The following COL25A1 variants were observed in gnomAD, a reference collection of about 807,000 sequenced individuals.
COL25A1 encodes the protein collagen type XXV alpha 1 chain, also known as collagen alpha-1(XXV) chain.
A neutral mutation model predicts 128.4 loss-of-function variants in COL25A1; 103 were observed. The ratio of observed to expected loss-of-function variants is 0.80; its 90% CI spans 0.68 to 0.94. COL25A1 has a LOEUF of 0.94. Among genes scored for constraint, COL25A1 ranks in the 40% least tolerant of loss-of-function variants. COL25A1 has a pLI of 0.00. For synonymous variants in COL25A1, 279 were observed against 277.2 expected, an observed-to-expected ratio of 1.01 and a Z score of -0.06; for missense variants, 745 against 840.0, an observed-to-expected ratio of 0.89 and a Z score of 1.40.
intron 3 of COL25A1, among the ~76,000 whole-genome samples, chr4:109,258,088 T>C (rs1781192225): frequency 6.6e-6 from 1 of 152,170 alleles, no homozygotes; most frequent in Non-Finnish European, 1.5e-5. Flanking sequence ...CAGCCCTGCC[T>C]TTCCATCCTT....
intron 3 of COL25A1, among the ~76,000 whole-genome samples, chr4:109,140,021 C>T (rs535842249): frequency 1.3e-5 from 2 of 152,168 alleles, no homozygotes; most frequent in Non-Finnish European, 2.9e-5. Flanking sequence ...TTTATGGTTG[C>T]ATAGTATTCC....
intron 3 of COL25A1, among the ~76,000 whole-genome samples, chr4:109,214,864 G>A (rs971738429): frequency 2.6e-5 from 4 of 152,114 alleles, no homozygotes; most frequent in South Asian, 2.1e-4. Context: ...CTGGCATAGC[G>A]CTAACGAGAC....
At chr4:109,007,598 T>G (rs920049629) in intron 6 of COL25A1, among the ~76,000 whole-genome samples, 2 of 152,140 alleles carry the variant, frequency 1.3e-5, no homozygotes, top group African/African-American at 4.8e-5. Context: ...GGAAGACATT[T>G]TAAACTAAAT....
chr4:108,923,735 C>T (rs1185763138), intron 11 of COL25A1, among the ~76,000 whole-genome samples: 1 of 152,090 alleles, frequency 6.6e-6, no homozygotes, highest in Non-Finnish European at 1.5e-5. Context: ...ACTAGTTAAA[C>T]GAATGCTGAT....
At position 108,842,916 on chromosome 4, in the gene COL25A1, G is replaced by A. The variant is rs140505925; in HGVS notation, c.1630-1195C>T. Among the ~76,000 whole-genome samples, 500 of 152,172 alleles carry A rather than the reference G, an allele frequency of 3.3e-3. 2 individuals are homozygous for A. Among genetic ancestry groups the A allele is most frequent in the Middle Eastern group, 0.014 (4 of 294 alleles). ...TCCTAGCACTTTGGGAGGCCAAAGC[G>A]GGTGCATCACTTGGGCCCAGCAGTT... is the stretch of plus-strand genomic sequence containing the variant. On this transcript the variant is annotated intron_variant, in intron 30 of 37. Transcript: ENST00000399132.
intron 3 of COL25A1, among the ~76,000 whole-genome samples, chr4:109,113,821 A>G (rs569632530): frequency 3.9e-5 from 6 of 152,276 alleles, no homozygotes; most frequent in Non-Finnish European, 7.4e-5. Flanking sequence ...TCTAAATAAC[A>G]GATAGACTTA....
chr4:109,102,609 A>G (rs1579371639), intron 3 of COL25A1, among the ~76,000 whole-genome samples: 2 of 152,278 alleles, frequency 1.3e-5, no homozygotes, highest in East Asian at 3.9e-4. Flanking sequence ...ATCTCTGACT[A>G]AAATTGTGGG....
chr4:109,279,435 G>T (rs1723162049), intron 3 of COL25A1, among the ~76,000 whole-genome samples: 1 of 152,012 alleles, frequency 6.6e-6, no homozygotes, highest in Non-Finnish European at 1.5e-5. Flanking sequence ...GATTAGCCAG[G>T]TCTGGCTAAT....
chr4:109,033,218 T>C (rs1759033750), intron 5 of COL25A1, among the ~76,000 whole-genome samples: 2 of 151,964 alleles, frequency 1.3e-5, no homozygotes. Flanking sequence ...ACACAAAGAG[T>C]GTATAGGTGT....
At chr4:108,991,239 T>C (rs1444154769) in intron 6 of COL25A1, among the ~76,000 whole-genome samples, 4 of 152,144 alleles carry the variant, frequency 2.6e-5, no homozygotes, top group Non-Finnish European at 5.9e-5. Context: ...TTAGAAAACA[T>C]AGCATAAAGT....
At chr4:109,017,326 C>T (rs957620997) in intron 5 of COL25A1, among the ~76,000 whole-genome samples, 1 of 152,176 alleles carries the variant, frequency 6.6e-6, no homozygotes, top group Non-Finnish European at 1.5e-5. Flanking sequence ...TGTGTGGGAC[C>T]CAGGCTGGTA....
intron 13 of COL25A1, 42 bp downstream of exon 13, chr4:108,918,130 T>C (rs1360983784): frequency 1.4e-5 from 19 of 1,319,140 alleles, no homozygotes; most frequent in Non-Finnish European, 1.7e-5. Flanking sequence ...ATTTCAATGC[T>C]CACCAAATTA....
At chr4:109,073,311 A>G (rs1397260664) in intron 3 of COL25A1, among the ~76,000 whole-genome samples, 1 of 151,970 alleles carries the variant, frequency 6.6e-6, no homozygotes, top group African/African-American at 2.4e-5. Flanking sequence ...CTTTAAAATC[A>G]CTCTAGGATT....
At chr4:109,053,587 AC>A (rs1188124754) in intron 3 of COL25A1, among the ~76,000 whole-genome samples, 1 of 151,984 alleles carries the variant, frequency 6.6e-6, no homozygotes, top group Non-Finnish European at 1.5e-5. Context: ...AATTACCAAA[AC>A]CCGTCAATTC....
At chr4:109,034,775 G>A (rs1759184015) in intron 5 of COL25A1, among the ~76,000 whole-genome samples, 1 of 152,052 alleles carries the variant, frequency 6.6e-6, no homozygotes, top group African/African-American at 2.4e-5. Flanking sequence ...CAATATCTTG[G>A]TCAATTTCTA....
intron 3 of COL25A1, among the ~76,000 whole-genome samples, chr4:109,071,177 A>G (rs1416668720): frequency 6.6e-6 from 1 of 152,168 alleles, no homozygotes; most frequent in Non-Finnish European, 1.5e-5. Flanking sequence ...GACAAACCTG[A>G]CAAAAACAAG....
chr4:109,095,631 A>G (rs1765329846), intron 3 of COL25A1, among the ~76,000 whole-genome samples: 1 of 152,248 alleles, frequency 6.6e-6, no homozygotes, highest in South Asian at 2.1e-4. Context: ...GGAAAGCTAA[A>G]GTAAACCTTC....
At chr4:108,889,079 G>A (rs1280215707) in intron 18 of COL25A1, 142 bp downstream of exon 18, 8 of 777,776 alleles carry the variant, frequency 1.0e-5, no homozygotes, top group African/African-American at 1.7e-5. Flanking sequence ...CTTTTAAAAT[G>A]CAAAACAACA....
chr4:108,978,676 C>A (rs1752669361), intron 6 of COL25A1, among the ~76,000 whole-genome samples: 1 of 152,084 alleles, frequency 6.6e-6, no homozygotes, highest in Non-Finnish European at 1.5e-5. Context: ...CCAAGCTCAA[C>A]AATCTAATAT....
Sources: allele counts gnomAD v4.1 joint callset (sites outside exome capture counted in the v4.1 genomes callset), GRCh38; gene constraint gnomAD v4.1.1; transcripts MANE v1.5; gene names NCBI Gene and HGNC (gene_info 2026-07-23, HGNC 2026-07-21).